SLIT2: variants seen among roughly 807,000 people sequenced by gnomAD.
SLIT2 encodes the protein slit homolog 2 protein.
SLIT2 carries 41 observed loss-of-function variants against 185.7 expected under a neutral mutation model. The ratio of observed to expected loss-of-function variants is 0.22; its 90% CI spans 0.17 to 0.29. SLIT2 has a LOEUF of 0.29. Ranked by LOEUF, SLIT2 falls within the 10% of genes least tolerant of loss-of-function variation. The pLI, the probability that SLIT2 is intolerant of heterozygous loss-of-function variation, is 1.00. For synonymous variants in SLIT2, 693 were observed against 680.2 expected (o/e 1.02, Z -0.29); for missense variants, 1,571 against 1,909.0 (o/e 0.82, Z 3.30).
At chr4:20,286,508 G>A (rs1246265819) in intron 4 of SLIT2, among the ~76,000 whole-genome samples, 2 of 151,860 alleles carry the variant, frequency 1.3e-5, no homozygotes, top group African/African-American at 4.8e-5. Context: ...TCCTCCTAAA[G>A]TACAGCTAGG....
intron 4 of SLIT2, among the ~76,000 whole-genome samples, chr4:20,272,929 G>T (rs1713782604): frequency 6.6e-6 from 1 of 152,084 alleles, no homozygotes; most frequent in Non-Finnish European, 1.5e-5. Flanking sequence ...TAAGGCCAAA[G>T]ACTCTCTTTA....
chr4:20,285,490 T>G lies in SLIT2; in HGVS notation c.395+16609T>G, dbSNP rs6850101. Reference sequence around the variant, plus strand: ...AGATAAGCACACTGACACTGATACTTCATATGTATTGCAGCAGGCAGGCTG... The same window carrying G: ...AGATAAGCACACTGACACTGATACTGCATATGTATTGCAGCAGGCAGGCTG... On this transcript the variant is annotated intron_variant, in intron 4 of 36. Transcript: ENST00000504154. 5.0e-3 allele frequency among the ~76,000 whole-genome samples: 761 copies of G among 152,336 alleles called. 6 individuals carry two copies. The highest frequency in any genetic ancestry group is 0.018 in the African/African-American group (739 of 41,570).
rs1244061052 is a variant in SLIT2 at position 20,525,233 on chromosome 4, A to G, written c.1462+61A>G. The G allele has an allele frequency of 9.4e-6, 12 of 1,276,162 alleles. No homozygotes were observed. The East Asian group carries it at 2.5e-4, about 27-fold the overall frequency. 79.1% of individuals were successfully genotyped at this position (1,276,162 alleles called of 1,614,324 possible). On this transcript the variant is annotated intron_variant, in intron 15 of 36. Transcript: ENST00000504154. ...ACCCTTTCCTCACCTTATAAAATAT[A>G]GCTTCTAAAACTGATATGCATGCTT...
intron 4 of SLIT2, among the ~76,000 whole-genome samples, chr4:20,366,538 G>A (rs570864401): frequency 6.3e-4 from 96 of 152,050 alleles, no homozygotes; most frequent in Non-Finnish European, 1.1e-3. Context: ...CAAACCATAT[G>A]TGTTGTTGGG....
At chr4:20,371,077 G>C (rs563419441) in intron 4 of SLIT2, among the ~76,000 whole-genome samples, 109 of 152,036 alleles carry the variant, frequency 7.2e-4, no homozygotes, top group African/African-American at 2.4e-3. Flanking sequence ...ATCTCTAGTT[G>C]GGTCACTTCT....
intron 4 of SLIT2, among the ~76,000 whole-genome samples, chr4:20,442,173 G>A (rs549235719): frequency 1.3e-5 from 2 of 152,166 alleles, no homozygotes; most frequent in South Asian, 4.1e-4. Flanking sequence ...GGAAGGCAAG[G>A]GAGTGTGTAC....
At chr4:20,268,575 T>C in intron 3 of SLIT2, among the ~76,000 whole-genome samples, 1 of 151,880 alleles carries the variant, frequency 6.6e-6, no homozygotes, top group East Asian at 1.9e-4. Context: ...GCACAGGATT[T>C]CAGTTTAAAG....
intron 29 of SLIT2, among the ~76,000 whole-genome samples, chr4:20,586,194 A>C: frequency 6.6e-6 from 1 of 151,434 alleles, no homozygotes; most frequent in South Asian, 2.1e-4. Context: ...AAAATTAAAG[A>C]AACAGTCCAA....
chr4:20,432,951 A>AT (rs1423907516), intron 4 of SLIT2, among the ~76,000 whole-genome samples: 1 of 152,188 alleles, frequency 6.6e-6, no homozygotes, highest in African/African-American at 2.4e-5. Flanking sequence ...CAAAGATGAT[A>AT]TTTTTTTCCT....
In SLIT2 at chr4:20,529,127, G is replaced by A. The variant is rs2292435; in HGVS notation, c.1613+28G>A. On this transcript the variant is annotated intron_variant, in intron 16 of 36. Coordinates refer to ENST00000504154, the MANE Select transcript of SLIT2 (RefSeq NM_004787.4). ...AAGTTCATCCCCCAACAAAATTCTG[G>A]TTGGGATGGAGGGAATGAAAGCATT... The A allele has an allele frequency of 4.4e-3, 6,800 of 1,551,276 alleles. 209 individuals are homozygous for A. In the South Asian group the frequency reaches 0.06, roughly 14 times the overall value.
chr4:20,408,705 G>A (rs567438486), intron 4 of SLIT2, among the ~76,000 whole-genome samples: 10 of 152,236 alleles, frequency 6.6e-5, no homozygotes, highest in African/African-American at 2.4e-4. Context: ...AATAGTCCTT[G>A]AGTAAATGAT....
At chr4:20,369,636 C>T (rs10212858) in intron 4 of SLIT2, among the ~76,000 whole-genome samples, 2,425 of 152,178 alleles carry the variant, frequency 0.016, 44 homozygotes, top group East Asian at 0.053. Context: ...CCAGAGCACA[C>T]AGGAACCACT....
intron 5 of SLIT2, among the ~76,000 whole-genome samples, chr4:20,471,665 G>T (rs933733990): frequency 6.6e-6 from 1 of 152,170 alleles, no homozygotes; most frequent in Non-Finnish European, 1.5e-5. Context: ...GCAAATTCCA[G>T]TGTTCACAAG....
rs1013064950 is a variant in SLIT2 at position 20,388,883 on chromosome 4, T to A, written c.396-78869T>A. On this transcript the variant is annotated intron_variant, in intron 4 of 36. Coordinates refer to ENST00000504154, the MANE Select transcript of SLIT2 (RefSeq NM_004787.4). ...TATAAAATATAATATATAATATATA[T>A]AAAACATAATATATATAATATATAC... Among the ~76,000 whole-genome samples, 19 of 144,110 alleles carry A rather than the reference T, an allele frequency of 1.3e-4. No individual in the cohort carries two copies. The South Asian group carries it at 3.4e-3, about 26-fold the overall frequency. The allele number at this position is 144,110 out of a possible 152,430, so 94.5% of individuals were successfully genotyped here. A position where few individuals can be genotyped will look rare whatever the true frequency, so the allele number is the denominator to read the frequency against.
chr4:20,273,983 C>T lies in SLIT2; in HGVS notation c.395+5102C>T, dbSNP rs187350768. Reference sequence around the variant, plus strand: ...TACGGTTACTGTTGTTCAGCCAGACCGACATCATTACTCATCTAGCGCGCT... The same window carrying T: ...TACGGTTACTGTTGTTCAGCCAGACTGACATCATTACTCATCTAGCGCGCT... On this transcript the variant is annotated intron_variant, in intron 4 of 36. Coordinates refer to ENST00000504154, the MANE Select transcript of SLIT2 (RefSeq NM_004787.4). Among the ~76,000 whole-genome samples, 159 of 152,208 alleles carry T rather than the reference C, an allele frequency of 1.0e-3. 2 individuals are homozygous for T. The highest frequency in any genetic ancestry group is 4.6e-3 in the South Asian group (22 of 4,822).
chr4:20,302,439 G>A (rs191705560), intron 4 of SLIT2, among the ~76,000 whole-genome samples: 2 of 152,104 alleles, frequency 1.3e-5, no homozygotes, highest in Admixed American at 1.3e-4. Context: ...AATGGGGGAG[G>A]GACAAGTTAA....
At chr4:20,474,261 T>C (rs1045445941) in intron 5 of SLIT2, among the ~76,000 whole-genome samples, 1 of 152,012 alleles carries the variant, frequency 6.6e-6, no homozygotes, top group Non-Finnish European at 1.5e-5. Flanking sequence ...CAGGCATTCA[T>C]ATATATAAAA....
intron 4 of SLIT2, among the ~76,000 whole-genome samples, chr4:20,417,384 A>T (rs1450479493): frequency 6.8e-6 from 1 of 147,978 alleles, no homozygotes; most frequent in Non-Finnish European, 1.5e-5. Flanking sequence ...GCTAGCTTCT[A>T]CTTCAGGACT....
At chr4:20,597,771 A>AACATCAC (rs1186164614) in intron 32 of SLIT2, among the ~76,000 whole-genome samples, 1 of 152,216 alleles carries the variant, frequency 6.6e-6, no homozygotes, top group African/African-American at 2.4e-5. Flanking sequence ...CCACACAGTG[A>AACATCAC]TGTTGGGGCT....
Sources: allele counts gnomAD v4.1 joint callset (sites outside exome capture counted in the v4.1 genomes callset), GRCh38; gene constraint gnomAD v4.1.1; transcripts MANE v1.5; gene names NCBI Gene and HGNC (gene_info 2026-07-23, HGNC 2026-07-21).